JAG1: variants seen among roughly 807,000 people sequenced by gnomAD.
The protein encoded by JAG1 is jagged canonical Notch ligand 1, also known as protein jagged-1.
In JAG1, 23 loss-of-function variants were observed where a neutral mutation model predicts 148.7. The ratio of observed to expected loss-of-function variants is 0.15; its 90% CI spans 0.11 to 0.22. The LOEUF is 0.22. Among genes scored for constraint, JAG1 ranks in the 10% least tolerant of loss-of-function variants. The pLI is 1.00. For missense variants in JAG1, 1,054 were observed against 1,611.2 expected (o/e 0.65, Z 5.92); for synonymous variants, 572 against 598.3 (o/e 0.96, Z 0.64).
intron 2 of JAG1, among the ~76,000 whole-genome samples, chr20:10,670,926 C>CGG (rs1445766834): frequency 6.6e-6 from 1 of 152,196 alleles, no homozygotes; most frequent in East Asian, 1.9e-4. Context: ...GTGTCAAAAG[C>CGG]GGACAGACGC....
chr20:10,658,819 A>C, intron 3 of JAG1, 97 bp from the exon 4 acceptor site: 1 of 1,325,594 alleles, frequency 7.5e-7, no homozygotes, highest in South Asian at 1.2e-5. Context: ...CACCTGCTAC[A>C]AAATTCTATC....
intron 2 of JAG1, among the ~76,000 whole-genome samples, chr20:10,671,564 G>C (rs2122642815): frequency 6.6e-6 from 1 of 152,230 alleles, no homozygotes; most frequent in East Asian, 1.9e-4. Flanking sequence ...AGGCAGCAGA[G>C]TGCACCCCAT....
intron 3 of JAG1, among the ~76,000 whole-genome samples, chr20:10,661,967 G>A (rs1361158545): frequency 6.6e-6 from 1 of 152,156 alleles, no homozygotes; most frequent in African/African-American, 2.4e-5. Context: ...TTCAAATATC[G>A]GTGCCAGACA....
rs1375806551 is a variant in JAG1, at chr20:10,641,666, G to C, written c.2710C>G (p.Leu904Val). The C allele has an allele frequency of 6.2e-7, 1 of 1,613,918 alleles. No homozygotes were observed. The highest frequency in any genetic ancestry group is 8.5e-7 in the Non-Finnish European group (1 of 1,180,022). Residue 904 changes from leucine to valine, a missense_variant, in exon 23 of 26, where the codon CTC becomes GTC. By Grantham distance (32) the Leu-to-Val change is conservative. Around this residue, in one of 6 missense-constraint regions of JAG1, gnomAD observed 342 missense variants for 514.6 expected, o/e 0.66. Coordinates refer to ENST00000254958, the MANE Select transcript of JAG1 (RefSeq NM_000214.3). ...KVWCGPRPCLLHKGHSECPSG... is the reference protein window; with the variant it reads ...KVWCGPRPCLVHKGHSECPSG... ...GGGCACTCGCTGTGCCCTTTGTGGAGCAGGCAAGGTCGAGGGCCACACCAG... is the reference window on the plus strand; with the variant it reads ...GGGCACTCGCTGTGCCCTTTGTGGACCAGGCAAGGTCGAGGGCCACACCAG...
At chr20:10,646,748 C>T (rs935502994) in intron 14 of JAG1, among the ~76,000 whole-genome samples, 191 bp downstream of exon 14, 2 of 152,022 alleles carry the variant, frequency 1.3e-5, no homozygotes, top group African/African-American at 2.4e-5. Flanking sequence ...TCGCTTGAAC[C>T]TGGGAGGCCG....
intron 2 of JAG1, among the ~76,000 whole-genome samples, chr20:10,671,282 C>T (rs1420241581): frequency 6.6e-6 from 1 of 152,202 alleles, no homozygotes. Flanking sequence ...AAGATAAATA[C>T]TCTTGGTAAA....
At chr20:10,643,065 C>A (rs2067284295) in intron 20 of JAG1, among the ~76,000 whole-genome samples, 1 of 152,248 alleles carries the variant, frequency 6.6e-6, no homozygotes, top group Non-Finnish European at 1.5e-5. Flanking sequence ...CTGGATACGG[C>A]CCCTGGGCCA....
rs974805777 is a variant in JAG1, at chr20:10,646,134, T to C, written c.1886-50A>G. On this transcript the variant is annotated intron_variant, in intron 14 of 25. Transcript: ENST00000254958. ...AAGAACTGAAGGACTTGTGAAGCCA[T>C]AGACAAGCACTGTTCAGCAGTTTTC... is the stretch of plus-strand genomic sequence containing the variant. The C allele has an allele frequency of 3.7e-6, 5 of 1,366,664 alleles. No individual in the cohort carries two copies. In the Admixed American group the frequency reaches 5.0e-5, roughly 14 times the overall value. 84.7% of individuals were successfully genotyped at this position (1,366,664 alleles called of 1,614,324 possible).
intron 14 of JAG1, among the ~76,000 whole-genome samples, chr20:10,646,650 T>A (rs1382001761): frequency 1.3e-5 from 2 of 151,738 alleles, no homozygotes; most frequent in Non-Finnish European, 2.9e-5. Flanking sequence ...CCATCTCTAC[T>A]AAAAATACAA....
rs575525743 is a variant in JAG1, at chr20:10,639,201, G to A, written c.*297C>T. 133 of 450,814 alleles carry A rather than the reference G, an allele frequency of 3.0e-4. 1 individual carries two copies. The highest frequency in any genetic ancestry group is 4.7e-4 in the Non-Finnish European group (113 of 242,718). The allele number at this position is 450,814 out of a possible 1,614,324, so 27.9% of individuals were successfully genotyped here. On this transcript the variant is annotated 3_prime_UTR_variant, in exon 26 of 26. Coordinates refer to ENST00000254958, the MANE Select transcript of JAG1 (RefSeq NM_000214.3). Reference sequence around the variant, plus strand: ...ATTAGGACATCTGGCAGAAGTGGGAGCTCAAAGACCAGGGGGCTGGGCAGG... The same window carrying A: ...ATTAGGACATCTGGCAGAAGTGGGAACTCAAAGACCAGGGGGCTGGGCAGG...
intron 7 of JAG1, 149 bp downstream of exon 7, chr20:10,651,982 T>C (rs549005987): frequency 2.1e-6 from 2 of 947,378 alleles, no homozygotes; most frequent in African/African-American, 3.3e-5. Context: ...ACTTGAAAGT[T>C]ACAAAGGCTT....
intron 25 of JAG1, 110 bp from the exon 26 acceptor site, chr20:10,640,065 G>C: frequency 1.2e-6 from 1 of 859,246 alleles, no homozygotes; most frequent in Non-Finnish European, 1.9e-6. Flanking sequence ...ATCCCTAAGA[G>C]GGGGGCCACA....
At chr20:10,655,934 C>A (rs181171492) in intron 5 of JAG1, among the ~76,000 whole-genome samples, 4 of 152,106 alleles carry the variant, frequency 2.6e-5, no homozygotes, top group African/African-American at 7.2e-5. Context: ...CAGCACCAAC[C>A]CAGCTCCCGC....
chr20:10,660,859 A>G (rs2067411897), intron 3 of JAG1, among the ~76,000 whole-genome samples: 11 of 152,162 alleles, frequency 7.2e-5, no homozygotes, highest in Admixed American at 7.2e-4. Flanking sequence ...TGCAATCCCC[A>G]GTGCCACGAA....
At position 10,672,687 on chromosome 20, in the gene JAG1, G is replaced by A. The variant is rs2067505043; in HGVS notation, c.387+14C>T. On this transcript the variant is annotated intron_variant, in intron 2 of 25. Transcript: ENST00000254958. ...TGAGGCTCCGCCCGGCCTCCTTCCC[G>A]AGTAGTCACTCACCGGCCAGGCGAA... is the stretch of plus-strand genomic sequence containing the variant. The A allele has an allele frequency of 6.2e-7, 1 of 1,611,582 alleles. No homozygotes were observed. The highest frequency in any genetic ancestry group is 8.5e-7 in the Non-Finnish European group (1 of 1,179,688).
At chr20:10,650,782 C>A (rs1398738599) in intron 8 of JAG1, 1 of 242,922 alleles carries the variant, frequency 4.1e-6, no homozygotes, top group Non-Finnish European at 8.2e-6. Flanking sequence ...CAAAATAGCA[C>A]ACCTAGAGGC....
At chr20:10,654,899 G>A (rs1462805328) in intron 5 of JAG1, among the ~76,000 whole-genome samples, 7 of 152,150 alleles carry the variant, frequency 4.6e-5, no homozygotes, top group African/African-American at 1.7e-4. Flanking sequence ...GTCGGCCTCC[G>A]CTGATATCCA....
Position 10,650,488 on chromosome 20 carries a change from C to G in JAG1, c.1121-128G>C, listed in dbSNP as rs186193872. 1.4e-5 allele frequency: 10 copies of G among 695,674 alleles called. No homozygotes were observed. In the East Asian group the frequency reaches 2.7e-4, roughly 19 times the overall value. 43.1% of individuals were successfully genotyped at this position (695,674 alleles called of 1,614,324 possible). ...CAGACACCTGCTACAAGGAAAGCTACAGCAGGACAAGTGGGACGGTGACGA... is the reference window on the plus strand; with the variant it reads ...CAGACACCTGCTACAAGGAAAGCTAGAGCAGGACAAGTGGGACGGTGACGA... On this transcript the variant is annotated intron_variant, in intron 8 of 25. Transcript: ENST00000254958.
chr20:10,662,978 A>G (rs565800659), intron 3 of JAG1, among the ~76,000 whole-genome samples: 53 of 152,344 alleles, frequency 3.5e-4, no homozygotes, highest in African/African-American at 1.0e-3. Context: ...CTGCCCACGT[A>G]GCAGGCACCA....
Sources: allele counts gnomAD v4.1 joint callset (sites outside exome capture counted in the v4.1 genomes callset), GRCh38; gene constraint gnomAD v4.1.1; regional missense constraint gnomAD v4.1.1; transcripts MANE v1.5; gene names NCBI Gene and HGNC (gene_info 2026-07-23, HGNC 2026-07-21).